The following PLA2G4F variants were observed in gnomAD, a reference collection of about 807,000 sequenced individuals.
PLA2G4F encodes the protein cytosolic phospholipase A2 zeta.
PLA2G4F carries 105 observed loss-of-function variants against 103.1 expected under a neutral mutation model. That is an observed-to-expected ratio of 1.02 (90% CI 0.87 to 1.20). The LOEUF (loss-of-function observed/expected upper bound fraction) is 1.20, where lower values mean the gene tolerates loss of function less well. Among genes scored for constraint, PLA2G4F ranks in the 50% most tolerant of loss-of-function variants. The pLI is 0.00. For synonymous variants in PLA2G4F, 468 were observed against 441.1 expected (o/e 1.06, Z -0.76); for missense variants, 1,155 against 1,075.9 (o/e 1.07, Z -1.03).
rs762795602 is a variant in PLA2G4F at position 42,140,528 on chromosome 15, G to C, written c.*1456C>G. 6.6e-6 allele frequency: 1 copy of C among 152,448 alleles called. No individual in the cohort carries two copies. Among genetic ancestry groups the C allele is most frequent in the African/African-American group, 2.4e-5 (1 of 41,560 alleles). 9.4% of individuals were successfully genotyped at this position (152,448 alleles called of 1,614,324 possible). A position where few individuals can be genotyped will look rare whatever the true frequency, so the allele number is the denominator to read the frequency against. ...CTGTGACAGGCAGCCATGGTGAGGA[G>C]GCAGAGGAGAACTGAGGTGTCCCCA... On this transcript the variant is annotated 3_prime_UTR_variant, in exon 20 of 20. Coordinates refer to ENST00000397272, the MANE Select transcript of PLA2G4F (RefSeq NM_213600.4).
At chr15:42,145,465 C>T in intron 16 of PLA2G4F, 110 bp downstream of exon 16, 1 of 1,121,056 alleles carries the variant, frequency 8.9e-7, no homozygotes, top group Non-Finnish European at 1.3e-6. Flanking sequence ...TTCCCCGAAT[C>T]CAGTGGGACA....
In PLA2G4F at chr15:42,143,525, A is replaced by G. The variant is rs2048846823; in HGVS notation, c.2142+453T>C. On this transcript the variant is annotated intron_variant, in intron 18 of 19. Transcript: ENST00000397272. The stretch of plus-strand genomic sequence containing the variant: ...CCAGCACCCACATGGGAATGGGGGC[A>G]TCCGTCCACCACCCAGCAGAGATGG... Among the ~76,000 whole-genome samples the G allele has an allele frequency of 4.6e-5, 7 of 152,316 alleles. No homozygotes were observed. In the South Asian group the frequency reaches 1.5e-3, roughly 32 times the overall value.
At position 42,151,386 on chromosome 15, in the gene PLA2G4F, T is replaced by C; in HGVS notation, c.602-609A>G. ...GGCTGGGAGGAGTGAGGGGGTGGGCTTGTGGGCTCCGGAGCTCCCTGCCCA... is the reference window on the plus strand; with the variant it reads ...GGCTGGGAGGAGTGAGGGGGTGGGCCTGTGGGCTCCGGAGCTCCCTGCCCA... On this transcript the variant is annotated intron_variant, in intron 7 of 19. Transcript: ENST00000397272. 4 of 985,194 alleles carry C rather than the reference T, an allele frequency of 4.1e-6. No homozygotes were observed. In the South Asian group the frequency reaches 1.9e-4, roughly 46 times the overall value. 61.0% of individuals were successfully genotyped at this position (985,194 alleles called of 1,614,324 possible). A position where few individuals can be genotyped will look rare whatever the true frequency, so the allele number is the denominator to read the frequency against.
intron 4 of PLA2G4F, 43 bp from the exon 5 acceptor site, chr15:42,153,703 A>G: frequency 6.2e-7 from 1 of 1,609,812 alleles, no homozygotes. Flanking sequence ...CAAGGCTCCA[A>G]AAGCCTCCAG....
At chr15:42,151,145 C>A (rs918034935) in intron 7 of PLA2G4F, 1 of 985,312 alleles carries the variant, frequency 1.0e-6, no homozygotes. Flanking sequence ...TCCCGCTTGC[C>A]CCACTTCAGC....
chr15:42,156,361 G>T (rs2049015015), intron 1 of PLA2G4F, 78 bp downstream of exon 1: 2 of 1,193,610 alleles, frequency 1.7e-6, no homozygotes, highest in Non-Finnish European at 2.4e-6. Flanking sequence ...GGCTGGGGCT[G>T]GTCTCAGTCT....
At chr15:42,156,075 C>A (rs1479511720) in intron 1 of PLA2G4F, among the ~76,000 whole-genome samples, 2 of 152,086 alleles carry the variant, frequency 1.3e-5, no homozygotes, top group Non-Finnish European at 2.9e-5. Flanking sequence ...ACCGGTCTGA[C>A]GAGTCACCGA....
intron 8 of PLA2G4F, 37 bp from the exon 9 acceptor site, chr15:42,150,523 G>A: frequency 1.2e-6 from 2 of 1,602,498 alleles, no homozygotes; most frequent in South Asian, 1.1e-5. Flanking sequence ...CTCTCCAGCA[G>A]GGAAGAAAAG....
At chr15:42,144,722 G>T (rs925085120) in intron 16 of PLA2G4F, 78 bp from the exon 17 acceptor site, 10 of 1,371,196 alleles carry the variant, frequency 7.3e-6, no homozygotes, top group Non-Finnish European at 9.6e-6. Flanking sequence ...GTTCAGGGGT[G>T]CCCCTCCCCA....
intron 2 of PLA2G4F, 187 bp from the exon 3 acceptor site, chr15:42,154,645 C>T (rs180764421): frequency 1.8e-6 from 1 of 571,200 alleles, no homozygotes; most frequent in Non-Finnish European, 2.8e-6. Context: ...CACACACCTC[C>T]CATTCACCTG....
intron 7 of PLA2G4F, 131 bp from the exon 8 acceptor site, chr15:42,150,908 G>A (rs986336328): frequency 1.0e-5 from 15 of 1,468,844 alleles, no homozygotes; most frequent in East Asian, 2.5e-5. Flanking sequence ...CTTATCGCCC[G>A]CTCTCTCTTG....
At chr15:42,144,721 T>C (rs898833917) in intron 16 of PLA2G4F, 77 bp from the exon 17 acceptor site, 1 of 1,387,452 alleles carries the variant, frequency 7.2e-7, no homozygotes, top group African/African-American at 1.5e-5. Flanking sequence ...AGTTCAGGGG[T>C]GCCCCTCCCC....
At position 42,147,200 on chromosome 15, in the gene PLA2G4F, A is replaced by G. The variant is rs1411412250; in HGVS notation, c.1343T>C (p.Val448Ala). 6.2e-7 allele frequency: 1 copy of G among 1,612,648 alleles called. No homozygotes were observed. The highest frequency in any genetic ancestry group is 8.5e-7 in the Non-Finnish European group (1 of 1,179,948). The change falls in exon 13 of 20, where the codon GTC becomes GCC. Residue 448 changes from valine (V) to alanine (A), a missense_variant. Val to Ala is a moderately conservative substitution (Grantham distance 64). This residue lies in a region of PLA2G4F where 782 missense variants were observed against 692.9 expected (regional missense o/e 1.13). Coordinates refer to ENST00000397272, the MANE Select transcript of PLA2G4F (RefSeq NM_213600.4). ...RLQYYTQELG[V>A]RERSGHSVSL... Reference sequence around the variant, plus strand: ...CACGCTGTGGCCACTGCGCTCCCGGACCCCCAGTTCCTGAGTGTAGTACTG... The same window carrying G: ...CACGCTGTGGCCACTGCGCTCCCGGGCCCCCAGTTCCTGAGTGTAGTACTG...
In PLA2G4F at chr15:42,144,111, G is replaced by T. The variant is rs550236490; in HGVS notation, c.2009C>A (p.Thr670Asn). 8.1e-6 allele frequency: 13 copies of T among 1,613,286 alleles called. No individual in the cohort carries two copies. In the South Asian group the frequency reaches 1.4e-4, roughly 18 times the overall value. Reference protein sequence around the residue: ...THPDAFPNQLTPMRDCLYLVD... With the variant: ...THPDAFPNQLNPMRDCLYLVD... Reference sequence around the variant, plus strand: ...CAGGTACAGGCAGTCCCGCATGGGGGTGAGCTGGTTGGGGAAGGCGTCCGG... The same window carrying T: ...CAGGTACAGGCAGTCCCGCATGGGGTTGAGCTGGTTGGGGAAGGCGTCCGG... The change falls in exon 18 of 20, where the codon ACC becomes AAC. Residue 670 changes from threonine (T) to asparagine (N), a missense_variant. Thr to Asn is a moderately conservative substitution (Grantham distance 65). Coordinates refer to ENST00000397272, the MANE Select transcript of PLA2G4F (RefSeq NM_213600.4).
chr15:42,143,513 G>A (rs546098545), intron 18 of PLA2G4F, among the ~76,000 whole-genome samples: 1 of 152,296 alleles, frequency 6.6e-6, no homozygotes, highest in East Asian at 1.9e-4. Context: ...GCACCCACAT[G>A]GGAATGGGGG....
rs758513767 is a variant in PLA2G4F at position 42,150,459 on chromosome 15, G to C, written c.799C>G (p.Gln267Glu). The C allele has an allele frequency of 8.1e-6, 13 of 1,613,242 alleles. No homozygotes were observed. Among genetic ancestry groups the C allele is most frequent in the Non-Finnish European group, 5.1e-6 (6 of 1,179,892 alleles). ...QSGPSAELEA[Q>E]TSKLGEGGIL... ...CCCCCCTCGCCCAGCTTGCTGGTCT[G>C]AGCCTCCAACTCTGCGCTGGGGCCA... Residue 267 changes from glutamine to glutamate, a missense_variant, in exon 9 of 20, where the codon CAG (glutamine) becomes GAG (glutamate). Gln to Glu is a conservative substitution (Grantham distance 29, BLOSUM62 2). This residue lies in a region of PLA2G4F where 370 missense variants were observed against 364.9 expected (regional missense o/e 1.01). Coordinates refer to ENST00000397272, the MANE Select transcript of PLA2G4F (RefSeq NM_213600.4).
chr15:42,141,706 C>T lies in PLA2G4F; in HGVS notation c.*278G>A, dbSNP rs2048827929. ...GTGGCTCACCTGATTCTCTCCACAC[C>T]CCGCTGTGAAATGAGTGCTGTTCTC... On this transcript the variant is annotated 3_prime_UTR_variant, in exon 20 of 20. Transcript: ENST00000397272. 3.5e-6 allele frequency: 2 copies of T among 566,264 alleles called. No homozygotes were observed. Among genetic ancestry groups the T allele is most frequent in the South Asian group, 3.1e-5 (2 of 65,106 alleles). 35.1% of individuals were successfully genotyped at this position (566,264 alleles called of 1,614,324 possible).
In PLA2G4F at chr15:42,154,369, G is replaced by T; in HGVS notation, c.274C>A (p.Pro92Thr). 4 of 1,612,170 alleles carry T rather than the reference G, an allele frequency of 2.5e-6. No homozygotes were observed. The highest frequency in any genetic ancestry group is 3.4e-6 in the Non-Finnish European group (4 of 1,178,776). ...TAGTGGAAGGTCTCATTCCACTCGG[G>T]GTCACTGCAGTTGGCCACTATCCTA... is the stretch of plus-strand genomic sequence containing the variant. ...QTRIVANCSDPEWNETFHYQI... is the reference protein window; with the variant it reads ...QTRIVANCSDTEWNETFHYQI... Residue 92 changes from proline (P) to threonine (T), a missense_variant, in exon 3 of 20, where the codon CCC becomes ACC. Pro to Thr is a conservative substitution (Grantham distance 38). Around this residue, in one of 3 missense-constraint regions of PLA2G4F, gnomAD observed 370 missense variants for 364.9 expected, o/e 1.01. Coordinates refer to ENST00000397272, the MANE Select transcript of PLA2G4F (RefSeq NM_213600.4).
At chr15:42,144,742 C>G in intron 16 of PLA2G4F, 98 bp from the exon 17 acceptor site, 2 of 1,227,446 alleles carry the variant, frequency 1.6e-6, no homozygotes, top group Non-Finnish European at 2.2e-6. Context: ...AACAGTGAGC[C>G]CTCCCCACAT....
Sources: allele counts gnomAD v4.1 joint callset (sites outside exome capture counted in the v4.1 genomes callset), GRCh38; gene constraint gnomAD v4.1.1; regional missense constraint gnomAD v4.1.1; transcripts MANE v1.5; gene names NCBI Gene and HGNC (gene_info 2026-07-23, HGNC 2026-07-21).